Variants in MEF2A observed in about 807,000 individuals in gnomAD.
MEF2A encodes the protein myocyte enhancer factor 2A.
MEF2A carries 28 observed loss-of-function variants against 55.8 expected under a neutral mutation model. The ratio of observed to expected loss-of-function variants is 0.50; its 90% CI spans 0.37 to 0.69. MEF2A has a LOEUF of 0.69. Ranked by LOEUF, MEF2A falls within the 30% of genes least tolerant of loss-of-function variation. The pLI, the probability that MEF2A is intolerant of heterozygous loss-of-function variation, is 0.00. For missense variants in MEF2A, 528 were observed against 626.2 expected, an observed-to-expected ratio of 0.84 and a Z score of 1.67; for synonymous variants, 239 against 227.1, an observed-to-expected ratio of 1.05 and a Z score of -0.47.
chr15:99,703,996 T>C (rs1312785460), intron 9 of MEF2A, among the ~76,000 whole-genome samples: 1 of 152,234 alleles, frequency 6.6e-6, no homozygotes, highest in East Asian at 1.9e-4. Context: ...TTCTGTTGGC[T>C]TTTCCTCTAG....
At chr15:99,607,860 C>T (rs978504187) in intron 2 of MEF2A, among the ~76,000 whole-genome samples, 11 of 152,278 alleles carry the variant, frequency 7.2e-5, no homozygotes, top group African/African-American at 2.6e-4. Context: ...AGTCTCCTTT[C>T]TAATGATTTT....
intron 2 of MEF2A, among the ~76,000 whole-genome samples, chr15:99,606,322 C>A (rs1975110985): frequency 6.6e-6 from 1 of 151,920 alleles, no homozygotes; most frequent in African/African-American, 2.4e-5. Flanking sequence ...CAGGTTCATG[C>A]TCTTTGGCCA....
At chr15:99,571,739 C>T (rs1962392924) in intron 1 of MEF2A, among the ~76,000 whole-genome samples, 1 of 152,136 alleles carries the variant, frequency 6.6e-6, no homozygotes, top group African/African-American at 2.4e-5. Context: ...CAACCTTCTT[C>T]CTACCCCTAA....
intron 2 of MEF2A, among the ~76,000 whole-genome samples, chr15:99,631,099 G>A (rs2042872021): frequency 6.6e-6 from 1 of 152,140 alleles, no homozygotes; most frequent in East Asian, 1.9e-4. Context: ...TCAAAGGAAG[G>A]TTGGTTTGAA....
At position 99,714,157 on chromosome 15, in the gene MEF2A, G is replaced by C. The variant is rs1300765199; in HGVS notation, c.*1386G>C. On this transcript the variant is annotated 3_prime_UTR_variant, in exon 12 of 12. Coordinates refer to ENST00000557942, the MANE Select transcript of MEF2A (RefSeq NM_001319206.4). ...TTGAGCATCATTATATATTTTGTAT[G>C]TGTACATAAATAGCAAAGTGGCAAA... The C allele has an allele frequency of 6.6e-6, 1 of 152,088 alleles. No individual in the cohort carries two copies. The highest frequency in any genetic ancestry group is 2.4e-5 in the African/African-American group (1 of 41,414). 9.4% of individuals were successfully genotyped at this position (152,088 alleles called of 1,614,324 possible). A position where few individuals can be genotyped will look rare whatever the true frequency, so the allele number is the denominator to read the frequency against.
chr15:99,641,844 A>T (rs1022014804), intron 3 of MEF2A, among the ~76,000 whole-genome samples: 1 of 152,124 alleles, frequency 6.6e-6, no homozygotes, highest in Non-Finnish European at 1.5e-5. Flanking sequence ...TTTCTTCATT[A>T]TTCCTTTACA....
chr15:99,592,638 G>A (rs1044941952), intron 1 of MEF2A, among the ~76,000 whole-genome samples: 1 of 152,180 alleles, frequency 6.6e-6, no homozygotes, highest in African/African-American at 2.4e-5. Flanking sequence ...TTACAGTCAT[G>A]GTGAAAGGGA....
At chr15:99,605,561 A>G (rs1025545640) in intron 2 of MEF2A, among the ~76,000 whole-genome samples, 3 of 152,192 alleles carry the variant, frequency 2.0e-5, no homozygotes, top group African/African-American at 7.2e-5. Context: ...TTTATGCCTG[A>G]AAGGTAGACC....
At chr15:99,579,272 A>C (rs1365998112) in intron 1 of MEF2A, among the ~76,000 whole-genome samples, 2 of 149,728 alleles carry the variant, frequency 1.3e-5, no homozygotes, top group African/African-American at 4.9e-5. Context: ...TTCTGTTTAG[A>C]GTATTGGCTT....
chr15:99,645,851 C>G (rs1004206674), intron 4 of MEF2A, 87 bp downstream of exon 4: 3 of 951,280 alleles, frequency 3.2e-6, no homozygotes, highest in Non-Finnish European at 4.6e-6. Flanking sequence ...ACTTGTACAT[C>G]TAAAACATAA....
At chr15:99,665,615 C>G (rs2049471004) in intron 4 of MEF2A, among the ~76,000 whole-genome samples, 1 of 145,814 alleles carries the variant, frequency 6.9e-6, no homozygotes, top group South Asian at 2.2e-4. Flanking sequence ...TTCTGCACAG[C>G]AAAAGAAACT....
intron 3 of MEF2A, among the ~76,000 whole-genome samples, chr15:99,640,567 T>TG (rs2044704968): frequency 6.6e-6 from 1 of 150,768 alleles, no homozygotes; most frequent in Non-Finnish European, 1.5e-5. Context: ...TTCTTTTTTT[T>TG]TTTTTTTGAG....
intron 1 of MEF2A, among the ~76,000 whole-genome samples, chr15:99,595,021 A>G (rs1268300049): frequency 6.6e-6 from 1 of 151,620 alleles, no homozygotes; most frequent in Non-Finnish European, 1.5e-5. Context: ...TTTTTTTTCC[A>G]CCTCTTTATT....
At chr15:99,667,736 C>T (rs1382165585) in intron 4 of MEF2A, among the ~76,000 whole-genome samples, 1 of 151,888 alleles carries the variant, frequency 6.6e-6, no homozygotes, top group East Asian at 1.9e-4. Flanking sequence ...GTTGAACTTC[C>T]ACCAGGCGGG....
intron 1 of MEF2A, among the ~76,000 whole-genome samples, chr15:99,582,509 A>G (rs191822125): frequency 1.3e-5 from 2 of 152,208 alleles, no homozygotes; most frequent in East Asian, 1.9e-4. Context: ...TACTAAGGTA[A>G]TAGATGTATA....
At chr15:99,707,709 C>G (rs893179270) in intron 10 of MEF2A, among the ~76,000 whole-genome samples, 10 of 152,122 alleles carry the variant, frequency 6.6e-5, no homozygotes, top group African/African-American at 2.2e-4. Flanking sequence ...CTCCCTTGCC[C>G]ATTACTCAGA....
rs1567203244 is a variant in MEF2A, at chr15:99,602,656, GT to G, written c.-143+4146del. 7.7e-3 allele frequency among the ~76,000 whole-genome samples: 644 copies of G among 83,118 alleles called. 8 individuals are homozygous for G. The highest frequency in any genetic ancestry group is 0.01 in the Non-Finnish European group (460 of 44,622). The allele number at this position is 83,118 out of a possible 152,430, so 54.5% of individuals were successfully genotyped here. A position where few individuals can be genotyped will look rare whatever the true frequency, so the allele number is the denominator to read the frequency against. Reference sequence around the variant, plus strand: ...GGTGGTTGCCTGACATTCCTGGGGTGTGTGTGTGTGTGTGTGTGTGTGTGTG... The same window carrying G: ...GGTGGTTGCCTGACATTCCTGGGGTGGTGTGTGTGTGTGTGTGTGTGTGTG... On this transcript the variant is annotated intron_variant, in intron 2 of 11. Transcript: ENST00000557942.
At chr15:99,681,728 T>C (rs1484829601) in intron 7 of MEF2A, 1 of 152,232 alleles carries the variant, frequency 6.6e-6, no homozygotes, top group African/African-American at 2.4e-5. Flanking sequence ...TTTCATTGAA[T>C]CAAGTACACA....
intron 4 of MEF2A, among the ~76,000 whole-genome samples, chr15:99,662,286 A>G (rs1428188006): frequency 2.0e-5 from 3 of 152,170 alleles, no homozygotes; most frequent in African/African-American, 7.2e-5. Context: ...ATAAACTTGT[A>G]CATACCTTAC....
Sources: gnomAD v4.1 joint callset for allele counts (sites outside exome capture counted in the v4.1 genomes callset) on GRCh38, gnomAD v4.1.1 for gene constraint, MANE v1.5 for transcripts, NCBI Gene and HGNC (gene_info 2026-07-23, HGNC 2026-07-21) for gene names.